Variants in BCO1 observed in about 807,000 individuals in gnomAD.
The protein encoded by BCO1 is beta,beta-carotene 15,15'-dioxygenase.
BCO1 carries 54 observed loss-of-function variants against 56.3 expected under a neutral mutation model. That is an observed-to-expected ratio of 0.96 (90% CI 0.77 to 1.20). The LOEUF (loss-of-function observed/expected upper bound fraction) is 1.20, where lower values mean the gene tolerates loss of function less well. Ranked by LOEUF, BCO1 falls within the 50% of genes most tolerant of loss-of-function variation. The probability of loss-of-function intolerance (pLI) is 0.00; values close to 1 mark genes in which losing one functional copy is unlikely to be tolerated. For synonymous variants in BCO1, 318 were observed against 266.1 expected (o/e 1.20, Z -1.90); for missense variants, 801 against 690.9 (o/e 1.16, Z -1.79).
intron 2 of BCO1, among the ~76,000 whole-genome samples, chr16:81,255,979 A>AT (rs60062079): frequency 0.25 from 37,387 of 150,350 alleles, 4,971 homozygotes; most frequent in Middle Eastern, 0.39. Context: ...ACCCCGGCTA[A>AT]TTTTTTTTGT....
chr16:81,243,928 C>T (rs1905250772), intron 1 of BCO1, among the ~76,000 whole-genome samples: 1 of 152,254 alleles, frequency 6.6e-6, no homozygotes, highest in African/African-American at 2.4e-5. Context: ...GCTGCTGAGG[C>T]CATTGGAGCT....
At chr16:81,239,474 G>A (rs1022455218) in intron 1 of BCO1, among the ~76,000 whole-genome samples, 1 of 152,154 alleles carries the variant, frequency 6.6e-6, no homozygotes, top group African/African-American at 2.4e-5. Context: ...CGTTTGCAAA[G>A]GGAGGAGAGT....
chr16:81,244,344 T>A (rs1905272640), intron 1 of BCO1, among the ~76,000 whole-genome samples: 5 of 152,068 alleles, frequency 3.3e-5, no homozygotes, highest in Admixed American at 3.3e-4. Flanking sequence ...GTGAAATTAT[T>A]TCAGTGGTAT....
chr16:81,280,338 C>CAT (rs1907807420), intron 7 of BCO1, among the ~76,000 whole-genome samples: 2 of 144,836 alleles, frequency 1.4e-5, no homozygotes, highest in Non-Finnish European at 3.0e-5. Flanking sequence ...CACACACACA[C>CAT]ACACACACAC....
Position 81,248,591 on chromosome 16 carries a change from A to G in BCO1, c.193+2988A>G, listed in dbSNP as rs7199603. On this transcript the variant is annotated intron_variant, in intron 2 of 10. Coordinates refer to ENST00000258168, the MANE Select transcript of BCO1 (RefSeq NM_017429.3). ...TTGCAGATTTTACTGTGACTCAGCT[A>G]CAGAATGGGTGGTTCCATATTTTGC... 9.9e-5 allele frequency among the ~76,000 whole-genome samples: 15 copies of G among 151,882 alleles called. No homozygotes were observed. The East Asian group carries it at 2.5e-3, about 25-fold the overall frequency.
chr16:81,286,181 C>G (rs1043271405), intron 9 of BCO1, among the ~76,000 whole-genome samples: 1 of 152,186 alleles, frequency 6.6e-6, no homozygotes, highest in Non-Finnish European at 1.5e-5. Flanking sequence ...GCCACCATGC[C>G]TGGCCCATTT....
chr16:81,245,596 CAG>C lies in BCO1; in HGVS notation c.190_191del (p.Asp64ArgfsTer2). ...TTGCCCTGCTCCACAGCTTCACCAT[CAG>C]AGACGGTGAGAACACCCACGAGTGT... ...GLALLHSFTI[R>X]DGEVYYRSKY... On this transcript the variant is annotated frameshift_variant, in exon 2 of 11. Transcript: ENST00000258168. LOFTEE classifies it high-confidence loss of function. The C allele has an allele frequency of 6.2e-7, 1 of 1,614,228 alleles. No homozygotes were observed. The highest frequency in any genetic ancestry group is 8.5e-7 in the Non-Finnish European group (1 of 1,180,044).
At chr16:81,261,893 C>T (rs1183877610) in intron 3 of BCO1, 5 of 415,970 alleles carry the variant, frequency 1.2e-5, no homozygotes, top group African/African-American at 2.0e-5. Context: ...AGGCGCCTGC[C>T]ACCACGCCCG....
intron 1 of BCO1, among the ~76,000 whole-genome samples, chr16:81,243,286 C>A (rs1242946823): frequency 6.6e-6 from 1 of 152,150 alleles, no homozygotes; most frequent in Non-Finnish European, 1.5e-5. Flanking sequence ...CTATTATAAC[C>A]ATCAAAGGTG....
intron 2 of BCO1, among the ~76,000 whole-genome samples, chr16:81,255,818 T>TTTTA (rs909929369): frequency 1.9e-4 from 28 of 151,104 alleles, no homozygotes; most frequent in Non-Finnish European, 2.1e-4. Context: ...CTTTCTTTCT[T>TTTTA]TTTATTTATT....
intron 7 of BCO1, among the ~76,000 whole-genome samples, chr16:81,273,135 C>G (rs561633175): frequency 6.6e-6 from 1 of 152,190 alleles, no homozygotes; most frequent in South Asian, 2.1e-4. Flanking sequence ...ACACACAGCT[C>G]ATTTTTTGTT....
rs193037436 is a variant in BCO1 at position 81,281,314 on chromosome 16, C to T, written c.1207+352C>T. ...TACAAAAATTAGCCGGGTGTGGTGG[C>T]GCATGCCTGTGGTCCCAGCTACTCA... is the stretch of plus-strand genomic sequence containing the variant. On this transcript the variant is annotated intron_variant, in intron 8 of 10. Transcript: ENST00000258168. 8.2e-3 allele frequency among the ~76,000 whole-genome samples: 1,250 copies of T among 152,154 alleles called. 5 individuals carry two copies. Among genetic ancestry groups the T allele is most frequent in the Non-Finnish European group, 0.013 (896 of 68,008 alleles).
chr16:81,262,836 CAA>C (rs1157316912), intron 4 of BCO1: 2 of 112,830 alleles, frequency 1.8e-5, no homozygotes, highest in African/African-American at 3.2e-5. Flanking sequence ...CAAACAAAAA[CAA>C]AAAAAAAAAA....
In BCO1 at chr16:81,264,727, T is replaced by G. The variant is rs1190728999; in HGVS notation, c.559T>G (p.Ser187Ala). ...TGGAAATGTTCTAAACATGGGCACATCCATTGTGGAAAAGGGGAAGACAAA... is the reference window on the plus strand; with the variant it reads ...TGGAAATGTTCTAAACATGGGCACAGCCATTGTGGAAAAGGGGAAGACAAA... ...EAGNVLNMGT[S>A]IVEKGKTKYV... is the part of the protein sequence containing the mutation. The change falls in exon 5 of 11, where the codon TCC becomes GCC. Residue 187 changes from serine (S) to alanine (A), a missense_variant. By Grantham distance (99) the Ser-to-Ala change is moderately conservative. Coordinates refer to ENST00000258168, the MANE Select transcript of BCO1 (RefSeq NM_017429.3). The G allele has an allele frequency of 1.9e-6, 3 of 1,614,212 alleles. No individual in the cohort carries two copies. Among genetic ancestry groups the G allele is most frequent in the Non-Finnish European group, 2.5e-6 (3 of 1,180,030 alleles).
chr16:81,275,904 C>A (rs902260417), intron 7 of BCO1, among the ~76,000 whole-genome samples: 5 of 151,554 alleles, frequency 3.3e-5, no homozygotes, highest in African/African-American at 9.7e-5. Flanking sequence ...TGAGGCAGGG[C>A]TTAGCAGTGG....
At chr16:81,266,643 T>A (rs1488687863) in intron 5 of BCO1, among the ~76,000 whole-genome samples, 2 of 152,166 alleles carry the variant, frequency 1.3e-5, no homozygotes, top group East Asian at 1.9e-4. Context: ...CTGGGGATTG[T>A]CTAGGCATTT....
intron 2 of BCO1, among the ~76,000 whole-genome samples, chr16:81,256,373 G>C (rs1203823201): frequency 6.6e-6 from 1 of 152,048 alleles, no homozygotes; most frequent in Non-Finnish European, 1.5e-5. Context: ...GCGTTTCTGA[G>C]GTCAACTTTT....
intron 10 of BCO1, among the ~76,000 whole-genome samples, chr16:81,288,718 T>C (rs572127037): frequency 6.6e-6 from 1 of 152,328 alleles, no homozygotes; most frequent in East Asian, 1.9e-4. Flanking sequence ...GCTTCAGAAA[T>C]GCCCTGCCCA....
chr16:81,284,753 G>A (rs140569940), intron 8 of BCO1, among the ~76,000 whole-genome samples: 508 of 151,982 alleles, frequency 3.3e-3, no homozygotes, highest in Admixed American at 6.2e-3. Flanking sequence ...CCAAAGTGCT[G>A]GGATTACAGG....
Sources: gnomAD v4.1 joint callset for allele counts (sites outside exome capture counted in the v4.1 genomes callset) on GRCh38, gnomAD v4.1.1 for gene constraint, MANE v1.5 for transcripts, NCBI Gene and HGNC (gene_info 2026-07-23, HGNC 2026-07-21) for gene names.